The following TRPM3 variants were observed in gnomAD, a reference collection of about 807,000 sequenced individuals.
TRPM3 encodes transient receptor potential cation channel subfamily M member 3.
A neutral mutation model predicts 181.2 loss-of-function variants in TRPM3; 77 were observed. The ratio of observed to expected loss-of-function variants is 0.42; its 90% CI spans 0.35 to 0.51. The LOEUF (loss-of-function observed/expected upper bound fraction) is 0.51, where lower values mean the gene tolerates loss of function less well. TRPM3 is among the 20% of genes least tolerant of loss of function. TRPM3 has a pLI of 0.01. For missense variants in TRPM3, 1,759 were observed against 2,196.7 expected (o/e 0.80, Z 3.98); for synonymous variants, 745 against 796.4 (o/e 0.94, Z 1.09).
At chr9:71,249,579 T>C (rs1315671982) in intron 1 of TRPM3, among the ~76,000 whole-genome samples, 1 of 152,170 alleles carries the variant, frequency 6.6e-6, no homozygotes, top group Non-Finnish European at 1.5e-5. Context: ...TTGAGATATA[T>C]ATATTTTCTC....
chr9:71,192,005 C>T (rs1233058893), intron 1 of TRPM3, among the ~76,000 whole-genome samples: 2 of 151,746 alleles, frequency 1.3e-5, no homozygotes, highest in South Asian at 2.1e-4. Flanking sequence ...TCTTGCTCTG[C>T]TTTTTCAGTC....
intron 1 of TRPM3, among the ~76,000 whole-genome samples, chr9:71,413,231 G>C (rs960859596): frequency 2.6e-5 from 4 of 151,898 alleles, no homozygotes; most frequent in Non-Finnish European, 4.4e-5. Flanking sequence ...ATATACCCTA[G>C]AACTTAAAGT....
intron 1 of TRPM3, among the ~76,000 whole-genome samples, chr9:70,943,200 T>C (rs1396070990): frequency 2.6e-5 from 4 of 152,176 alleles, no homozygotes; most frequent in Non-Finnish European, 1.5e-5. Context: ...CTGATGAATA[T>C]TGGCTGAAGT....
intron 9 of TRPM3, among the ~76,000 whole-genome samples, chr9:70,647,763 A>C (rs1327655532): frequency 2.0e-5 from 3 of 152,240 alleles, no homozygotes; most frequent in Non-Finnish European, 4.4e-5. Context: ...ATCTTTGTTC[A>C]CAGACAATAT....
At chr9:71,066,795 C>T (rs557323729) in intron 1 of TRPM3, among the ~76,000 whole-genome samples, 1 of 152,178 alleles carries the variant, frequency 6.6e-6, no homozygotes, top group South Asian at 2.1e-4. Context: ...GTGGTCTATC[C>T]ACAGGTTTTC....
At chr9:71,269,261 T>C (rs2132117752) in intron 1 of TRPM3, among the ~76,000 whole-genome samples, 1 of 152,334 alleles carries the variant, frequency 6.6e-6, no homozygotes, top group Admixed American at 6.5e-5. Flanking sequence ...GAGATAAGAA[T>C]GTCTCATCAA....
chr9:70,917,566 G>GTTTTTTTTTTTTTTTTTTTTTTT (rs2096612398), intron 1 of TRPM3: 1 of 471,060 alleles, frequency 2.1e-6, no homozygotes, highest in Non-Finnish European at 4.1e-6. Flanking sequence ...GTGTTAAGTT[G>GTTTTTTTTTTTTTTTTTTTTTTT]TTATATCAAC....
At chr9:71,160,350 A>G (rs2076218902) in intron 1 of TRPM3, among the ~76,000 whole-genome samples, 1 of 152,132 alleles carries the variant, frequency 6.6e-6, no homozygotes, top group East Asian at 1.9e-4. Flanking sequence ...ATCTTCTAAA[A>G]TCATTTATGA....
At chr9:71,265,700 G>C (rs1466639667) in intron 1 of TRPM3, among the ~76,000 whole-genome samples, 1 of 152,176 alleles carries the variant, frequency 6.6e-6, no homozygotes, top group East Asian at 1.9e-4. Context: ...TATTATAAGT[G>C]TTGAGCAGCA....
At chr9:71,366,128 C>T (rs2092327840) in intron 1 of TRPM3, among the ~76,000 whole-genome samples, 2 of 152,076 alleles carry the variant, frequency 1.3e-5, no homozygotes, top group South Asian at 4.1e-4. Flanking sequence ...TTGCTTAGCA[C>T]ATAGTAACAC....
chr9:70,868,930 C>T (rs2095720384), intron 1 of TRPM3: 2 of 939,038 alleles, frequency 2.1e-6, no homozygotes, highest in Admixed American at 1.2e-4. Flanking sequence ...CCTCTAGGTC[C>T]CCAGATCCAA....
intron 8 of TRPM3, among the ~76,000 whole-genome samples, chr9:70,747,835 T>C (rs1481311492): frequency 2.0e-5 from 3 of 151,952 alleles, no homozygotes; most frequent in Admixed American, 6.6e-5. Context: ...TCATAGGGAA[T>C]AGCAATAGTC....
intron 1 of TRPM3, among the ~76,000 whole-genome samples, chr9:71,208,905 C>T (rs572783360): frequency 2.0e-5 from 3 of 152,294 alleles, no homozygotes; most frequent in Admixed American, 6.5e-5. Flanking sequence ...TTTTGGAAAA[C>T]TGGAACCTAA....
chr9:70,993,872 G>T (rs2134155759), intron 1 of TRPM3, among the ~76,000 whole-genome samples: 1 of 151,314 alleles, frequency 6.6e-6, no homozygotes, highest in Admixed American at 6.6e-5. Flanking sequence ...GGGTAGGGTA[G>T]CAATTCCCTT....
At chr9:70,686,076 T>C (rs2066672495) in intron 8 of TRPM3, among the ~76,000 whole-genome samples, 2 of 151,168 alleles carry the variant, frequency 1.3e-5, no homozygotes, top group Admixed American at 6.6e-5. Context: ...TTAATACATA[T>C]ATACATGTAT....
chr9:70,837,852 C>T (rs879486204), intron 5 of TRPM3, among the ~76,000 whole-genome samples: 11 of 152,112 alleles, frequency 7.2e-5, no homozygotes, highest in Non-Finnish European at 1.0e-4. Context: ...AATAAAGATA[C>T]TCTATCACTG....
chr9:70,785,799 A>G (rs2083463339), intron 6 of TRPM3, among the ~76,000 whole-genome samples: 1 of 152,194 alleles, frequency 6.6e-6, no homozygotes, highest in Admixed American at 6.5e-5. Flanking sequence ...ATCTTAAAAG[A>G]ATGATCCAAA....
chr9:70,778,385 T>A (rs1328147), intron 7 of TRPM3, among the ~76,000 whole-genome samples: 23,941 of 152,178 alleles, frequency 0.16, 2,383 homozygotes, highest in East Asian at 0.39. Flanking sequence ...ATTATAAAGT[T>A]CTTGATAGCT....
At chr9:70,770,652 G>T (rs1323862776) in intron 7 of TRPM3, among the ~76,000 whole-genome samples, 1 of 152,092 alleles carries the variant, frequency 6.6e-6, no homozygotes, top group Non-Finnish European at 1.5e-5. Context: ...TCTGAGACAG[G>T]TTATTTGATC....
Sources: allele counts gnomAD v4.1 joint callset (sites outside exome capture counted in the v4.1 genomes callset), GRCh38; gene constraint gnomAD v4.1.1; transcripts MANE v1.5; gene names NCBI Gene and HGNC (gene_info 2026-07-23, HGNC 2026-07-21).